DNAH5: variants seen among roughly 807,000 people sequenced by gnomAD.
The protein encoded by DNAH5 is axonemal beta dynein heavy chain 5.
A neutral mutation model predicts 518.2 loss-of-function variants in DNAH5; 372 were observed. The observed-to-expected ratio is 0.72, with a 90% CI of 0.66 to 0.78. The LOEUF is 0.78. Among genes scored for constraint, DNAH5 ranks in the 30% least tolerant of loss-of-function variants. The probability of loss-of-function intolerance (pLI) is 0.00; values close to 1 mark genes in which losing one functional copy is unlikely to be tolerated. For synonymous variants in DNAH5, 2,039 were observed against 2,025.9 expected, an observed-to-expected ratio of 1.01 and a Z score of -0.17; for missense variants, 5,523 against 5,687.0, an observed-to-expected ratio of 0.97 and a Z score of 0.93.
chr5:14,009,896 G>A (rs1331356057), intron 1 of DNAH5, among the ~76,000 whole-genome samples: 10 of 152,076 alleles, frequency 6.6e-5, no homozygotes. Flanking sequence ...CATTTTTGAG[G>A]TCACTATTCT....
chr5:13,916,318 A>G, intron 9 of DNAH5, 30 bp downstream of exon 9: 2 of 1,225,214 alleles, frequency 1.6e-6, no homozygotes, highest in Non-Finnish European at 2.4e-6. Flanking sequence ...AGAAATACAA[A>G]TGAACATGGA....
Position 13,944,523 on chromosome 5 carries a change from T to G in DNAH5, c.-85A>C. 1 of 1,181,506 alleles carries G rather than the reference T, an allele frequency of 8.5e-7. No individual in the cohort carries two copies. Among genetic ancestry groups the G allele is most frequent in the East Asian group, 2.4e-5 (1 of 42,212 alleles). 73.2% of individuals were successfully genotyped at this position (1,181,506 alleles called of 1,614,324 possible). On this transcript the variant is annotated 5_prime_UTR_variant, in exon 1 of 79. Transcript: ENST00000265104. Reference sequence around the variant, plus strand: ...CAGACCTGCTCAACATCCAACAGGCTTCCAAATGGAAAGTTTTACTTCCAT... The same window carrying G: ...CAGACCTGCTCAACATCCAACAGGCGTCCAAATGGAAAGTTTTACTTCCAT...
chr5:13,792,956 G>A (rs1454251815), intron 49 of DNAH5, among the ~76,000 whole-genome samples: 1 of 152,160 alleles, frequency 6.6e-6, no homozygotes, highest in East Asian at 1.9e-4. Flanking sequence ...CATTACTCGG[G>A]TAGGCATATA....
intron 65 of DNAH5, among the ~76,000 whole-genome samples, chr5:13,749,780 C>T (rs1004317999): frequency 2.6e-5 from 4 of 152,156 alleles, no homozygotes; most frequent in Non-Finnish European, 4.4e-5. Flanking sequence ...TGCTATTGCT[C>T]AAGAATCCCA....
chr5:13,797,653 T>G (rs188991004), intron 47 of DNAH5, among the ~76,000 whole-genome samples: 1 of 152,292 alleles, frequency 6.6e-6, no homozygotes, highest in Admixed American at 6.5e-5. Flanking sequence ...TGGTGATTCC[T>G]CAAGGACCTA....
Position 13,862,596 on chromosome 5 carries a change from G to A in DNAH5, c.4748C>T (p.Ala1583Val). ...LRGDSTSEII[A>V]NMEDSLMLLG... ...CAACATCAAGCTGTCCTCCATGTTGGCGATGATTTCCGAGGTACTGTCTCC... is the reference window on the plus strand; with the variant it reads ...CAACATCAAGCTGTCCTCCATGTTGACGATGATTTCCGAGGTACTGTCTCC... Residue 1583 changes from alanine (A) to valine (V), a missense_variant, in exon 29 of 79, where the codon GCC (alanine) becomes GTC (valine). Coordinates refer to ENST00000265104, the MANE Select transcript of DNAH5 (RefSeq NM_001369.3). 1 of 1,613,960 alleles carries A rather than the reference G, an allele frequency of 6.2e-7. No homozygotes were observed.
Position 13,691,788 on chromosome 5 carries a change from C to T in DNAH5, c.*196G>A. 1.6e-6 allele frequency: 1 copy of T among 644,520 alleles called. No homozygotes were observed. The highest frequency in any genetic ancestry group is 2.6e-6 in the Non-Finnish European group (1 of 381,146). The allele number at this position is 644,520 out of a possible 1,614,324, so 39.9% of individuals were successfully genotyped here. A position where few individuals can be genotyped will look rare whatever the true frequency, so the allele number is the denominator to read the frequency against. ...TTATATCACTAAATAACATTTTCAA[C>T]AAACTCAGACATTGGTCACTAATGA... On this transcript the variant is annotated 3_prime_UTR_variant, in exon 79 of 79. Transcript: ENST00000265104.
chr5:13,754,035 A>G (rs1417993466), intron 62 of DNAH5, among the ~76,000 whole-genome samples, 168 bp downstream of exon 62: 3 of 151,974 alleles, frequency 2.0e-5, no homozygotes, highest in East Asian at 1.9e-4. Flanking sequence ...TTTTAATTTT[A>G]TTATTATTAT....
intron 65 of DNAH5, among the ~76,000 whole-genome samples, chr5:13,746,705 A>G (rs990321343): frequency 6.6e-6 from 1 of 152,130 alleles, no homozygotes; most frequent in Non-Finnish European, 1.5e-5. Flanking sequence ...AGTTTCTCCC[A>G]AGTGAGAGAA....
chr5:13,769,196 T>C (rs992906987), intron 57 of DNAH5, 60 bp from the exon 58 acceptor site: 72 of 1,568,300 alleles, frequency 4.6e-5, no homozygotes, highest in Non-Finnish European at 6.0e-5. Flanking sequence ...CAGCTGAAAA[T>C]GCACATTTTT....
intron 58 of DNAH5, among the ~76,000 whole-genome samples, chr5:13,767,410 C>A (rs1219590793): frequency 6.6e-6 from 1 of 152,194 alleles, no homozygotes; most frequent in Non-Finnish European, 1.5e-5. Context: ...CAGGCGTGAG[C>A]CAGCATGCCC....
intron 37 of DNAH5, 121 bp from the exon 38 acceptor site, chr5:13,829,825 T>A: frequency 8.9e-7 from 1 of 1,124,016 alleles, no homozygotes; most frequent in Non-Finnish European, 1.3e-6. Flanking sequence ...CTCATTTACG[T>A]ATCTCAATCT....
chr5:13,725,274 G>A (rs558317314), intron 70 of DNAH5, among the ~76,000 whole-genome samples: 7 of 152,372 alleles, frequency 4.6e-5, no homozygotes, highest in Non-Finnish European at 7.3e-5. Context: ...AAGCATTTAA[G>A]CTGTTGCTTG....
intron 1 of DNAH5, among the ~76,000 whole-genome samples, chr5:13,969,418 T>C (rs1353852157): frequency 1.3e-5 from 2 of 152,184 alleles, no homozygotes; most frequent in African/African-American, 4.8e-5. Context: ...GATTATCTAT[T>C]TGTGCTCTCT....
At position 13,830,689 on chromosome 5, in the gene DNAH5, G is replaced by A. The variant is rs1763550726; in HGVS notation, c.5969C>T (p.Thr1990Ile). The A allele has an allele frequency of 1.9e-6, 3 of 1,614,054 alleles. No homozygotes were observed. The highest frequency in any genetic ancestry group is 2.5e-6 in the Non-Finnish European group (3 of 1,180,036). ...CCCGAGGCATCGTCCCATGTCTTTA[G>A]TGGTTTCTGTTTTGCCTGTGCCTGC... The part of the protein sequence containing the change: ...GPAGTGKTET[T>I]KDMGRCLGKY... Residue 1990 changes from threonine to isoleucine, a missense_variant, in exon 36 of 79, where the codon ACT becomes ATT. Coordinates refer to ENST00000265104, the MANE Select transcript of DNAH5 (RefSeq NM_001369.3).
In DNAH5 at chr5:13,691,816, A is replaced by G. The variant is rs1235617035; in HGVS notation, c.*168T>C. The G allele has an allele frequency of 1.0e-5, 8 of 761,906 alleles. No individual in the cohort carries two copies. In the East Asian group the frequency reaches 2.2e-4, roughly 21 times the overall value. 47.2% of individuals were successfully genotyped at this position (761,906 alleles called of 1,614,324 possible). A position where few individuals can be genotyped will look rare whatever the true frequency, so the allele number is the denominator to read the frequency against. On this transcript the variant is annotated 3_prime_UTR_variant, in exon 79 of 79. Coordinates refer to ENST00000265104, the MANE Select transcript of DNAH5 (RefSeq NM_001369.3). ...ACTCAGACATTGGTCACTAATGATG[A>G]AACAAGTAAAATATAAGCATCCAAT...
chr5:13,912,569 A>G (rs13169391), intron 11 of DNAH5, among the ~76,000 whole-genome samples: 68,823 of 150,672 alleles, frequency 0.46, 16,762 homozygotes, highest in East Asian at 0.85. Context: ...AATCAAAAGT[A>G]TGTGTGTGTA....
intron 78 of DNAH5, among the ~76,000 whole-genome samples, chr5:13,698,644 G>A (rs909349511): frequency 1.3e-5 from 2 of 152,142 alleles, no homozygotes; most frequent in African/African-American, 4.8e-5. Flanking sequence ...GCCTTCTTGT[G>A]CTCAGAAACA....
chr5:13,861,403 C>T (rs929795380), intron 29 of DNAH5, among the ~76,000 whole-genome samples: 5 of 152,106 alleles, frequency 3.3e-5, no homozygotes, highest in African/African-American at 1.2e-4. Flanking sequence ...ACAGTATTTC[C>T]AACATTAAAA....
Sources: gnomAD v4.1 joint callset for allele counts (sites outside exome capture counted in the v4.1 genomes callset) on GRCh38, gnomAD v4.1.1 for gene constraint, MANE v1.5 for transcripts, NCBI Gene and HGNC (gene_info 2026-07-23, HGNC 2026-07-21) for gene names.